Variants in CIP2A observed in about 807,000 individuals in gnomAD.
The protein encoded by CIP2A is cellular inhibitor of PP2A, also known as protein CIP2A.
A neutral mutation model predicts 110.9 loss-of-function variants in CIP2A; 103 were observed. The observed-to-expected ratio is 0.93, with a 90% CI of 0.79 to 1.09. CIP2A has a LOEUF of 1.09. Ranked by LOEUF, CIP2A falls within the 50% of genes least tolerant of loss-of-function variation. The pLI, the probability that CIP2A is intolerant of heterozygous loss-of-function variation, is 0.00. For missense variants in CIP2A, 1,088 were observed against 1,038.4 expected (o/e 1.05, Z -0.66); for synonymous variants, 381 against 361.6 (o/e 1.05, Z -0.61).
chr3:108,576,817 A>T (rs571651992), intron 7 of CIP2A, among the ~76,000 whole-genome samples: 28 of 152,320 alleles, frequency 1.8e-4, no homozygotes, highest in African/African-American at 6.7e-4. Context: ...CAACTCCAAG[A>T]GGTACTGTGG....
At chr3:108,575,571 T>C (rs1192563638) in intron 8 of CIP2A, among the ~76,000 whole-genome samples, 2 of 149,836 alleles carry the variant, frequency 1.3e-5, no homozygotes, top group African/African-American at 5.0e-5. Context: ...CGTGTATATA[T>C]ACTCATATAC....
chr3:108,553,519 G>C, intron 19 of CIP2A, 129 bp downstream of exon 19: 2 of 773,194 alleles, frequency 2.6e-6, no homozygotes, highest in Non-Finnish European at 3.9e-6. Flanking sequence ...TCAAGAAAAG[G>C]GAAGCCATTC....
chr3:108,568,244 T>G lies in CIP2A; in HGVS notation c.1184A>C (p.Asp395Ala). Residue 395 changes from aspartate to alanine, a missense_variant, in exon 10 of 21, where the codon GAT becomes GCT. Transcript: ENST00000295746. ...ATTTTGTTCTGTGAACTGAAGTTGA[T>G]CAAGGATTGTAGGCAGCAGAAGGGT... ...FVTLLLPTIL[D>A]QLQFTEQNLD... 1.9e-6 allele frequency: 3 copies of G among 1,612,378 alleles called. No individual in the cohort carries two copies. The highest frequency in any genetic ancestry group is 2.5e-6 in the Non-Finnish European group (3 of 1,178,844).
At chr3:108,589,024 G>A (rs561036540) in intron 1 of CIP2A, among the ~76,000 whole-genome samples, 1 of 152,114 alleles carries the variant, frequency 6.6e-6, no homozygotes, top group African/African-American at 2.4e-5. Flanking sequence ...TTACCTACTC[G>A]AAACAACCTG....
chr3:108,569,584 G>C lies in CIP2A; in HGVS notation c.918C>G (p.Phe306Leu), dbSNP rs1938314591. The change falls in exon 9 of 21, where the codon TTC (phenylalanine) becomes TTG (leucine). Residue 306 changes from phenylalanine to leucine, a missense_variant. Phe to Leu is a conservative substitution (Grantham distance 22). Transcript: ENST00000295746. ...SSKVLELLLA[F>L]CSVTQLRHML... ...TATGGCGCAGCTGAGTCACTGAACA[G>C]AAGGCAAGAAGTAATTCTAAAACCT... is the stretch of plus-strand genomic sequence containing the variant. The C allele has an allele frequency of 2.5e-6, 4 of 1,612,224 alleles. No homozygotes were observed. Among genetic ancestry groups the C allele is most frequent in the Admixed American group, 1.7e-5 (1 of 59,782 alleles).
At position 108,552,330 on chromosome 3, in the gene CIP2A, G is replaced by T; in HGVS notation, c.2451C>A (p.Thr817=). The T allele has an allele frequency of 6.5e-7, 1 of 1,545,312 alleles. No homozygotes were observed. Among genetic ancestry groups the T allele is most frequent in the Non-Finnish European group, 8.7e-7 (1 of 1,143,422 alleles). The change falls in exon 20 of 21, where the codon ACC becomes ACA. Residue 817 remains threonine (T), a synonymous_variant. Transcript: ENST00000295746. The part of the protein sequence containing the change: ...KTKVQEEKIK[T]LQKEREDKEE... ...CCTTATCTTCCCTTTCCTTTTGTAA[G>T]GTTTTAATCTTTTCTTCTTGTACTT...
At chr3:108,559,931 T>C (rs766040896) in intron 15 of CIP2A, 23 bp downstream of exon 15, 5 of 1,569,488 alleles carry the variant, frequency 3.2e-6, no homozygotes, top group Admixed American at 1.7e-5. Context: ...TATTACACAT[T>C]GTTAAAATAA....
intron 9 of CIP2A, among the ~76,000 whole-genome samples, chr3:108,569,168 C>G (rs1451430186): frequency 5.4e-4 from 6 of 11,090 alleles, no homozygotes; most frequent in East Asian, 8.2e-3. Flanking sequence ...GAAATGAGCA[C>G]TATATATATA....
intron 18 of CIP2A, among the ~76,000 whole-genome samples, 166 bp from the exon 19 acceptor site, chr3:108,553,896 T>TAAAAA (rs71103478): frequency 7.4e-4 from 62 of 84,174 alleles, no homozygotes; most frequent in South Asian, 1.9e-3. Flanking sequence ...ACTAAAAATA[T>TAAAAA]AAAAAAAAAA....
At chr3:108,586,008 T>C (rs1939030482) in intron 1 of CIP2A, among the ~76,000 whole-genome samples, 6 of 152,122 alleles carry the variant, frequency 3.9e-5, no homozygotes, top group Admixed American at 3.9e-4. Context: ...ACATACTTTA[T>C]GGATGTATTT....
At position 108,569,356 on chromosome 3, in the gene CIP2A, G is replaced by A. The variant is rs185143763; in HGVS notation, c.1113+33C>T. 6.0e-6 allele frequency: 9 copies of A among 1,495,730 alleles called. No individual in the cohort carries two copies. The Admixed American group carries it at 1.2e-4, about 20-fold the overall frequency. The allele number at this position is 1,495,730 out of a possible 1,614,324, so 92.7% of individuals were successfully genotyped here. On this transcript the variant is annotated intron_variant, in intron 9 of 20. Coordinates refer to ENST00000295746, the MANE Select transcript of CIP2A (RefSeq NM_020890.3). The stretch of plus-strand genomic sequence containing the variant: ...AAATTGTTAACTGAGAGTCACAAAA[G>A]TAGAAAAGTCAATCTGTCAGTCATC...
chr3:108,566,445 C>T (rs1355346908), intron 11 of CIP2A, 52 bp downstream of exon 11: 3 of 1,469,566 alleles, frequency 2.0e-6, no homozygotes, highest in African/African-American at 2.9e-5. Flanking sequence ...ATCACCACAT[C>T]TTTCGATTTT....
At position 108,568,190 on chromosome 3, in the gene CIP2A, C is replaced by T; in HGVS notation, c.1238G>A (p.Cys413Tyr). The T allele has an allele frequency of 1.2e-6, 2 of 1,612,164 alleles. No individual in the cohort carries two copies. Among genetic ancestry groups the T allele is most frequent in the East Asian group, 2.2e-5 (1 of 44,818 alleles). Residue 413 changes from cysteine to tyrosine, a missense_variant, in exon 10 of 21, where the codon TGT (cysteine) becomes TAT (tyrosine). Coordinates refer to ENST00000295746, the MANE Select transcript of CIP2A (RefSeq NM_020890.3). ...TTCAATGGCCTTGGCAATCCTTTCA[C>T]ATTTTTTTCTTGTTAAAGCCTCATC... is the stretch of plus-strand genomic sequence containing the variant. ...NLDEALTRKK[C>Y]ERIAKAIEVL...
At chr3:108,576,890 A>C (rs1000818860) in intron 7 of CIP2A, among the ~76,000 whole-genome samples, 1 of 152,188 alleles carries the variant, frequency 6.6e-6, no homozygotes, top group Non-Finnish European at 1.5e-5. Context: ...GTGCCCTGAC[A>C]GGGAGTTCAC....
Position 108,553,750 on chromosome 3 carries a change from TAGA to T in CIP2A, c.2325-23_2325-21del, listed in dbSNP as rs766844883. ...ATACTTCTGAAGTTATTAAAAAAAATAGAAGAAAACATTAATGAACCATATACC... is the reference window on the plus strand; with the variant it reads ...ATACTTCTGAAGTTATTAAAAAAAATAGAAAACATTAATGAACCATATACC... On this transcript the variant is annotated intron_variant, in intron 18 of 20. Transcript: ENST00000295746. 5 of 1,483,500 alleles carry T rather than the reference TAGA, an allele frequency of 3.4e-6. No homozygotes were observed. In the South Asian group the frequency reaches 5.9e-5, roughly 18 times the overall value. 91.9% of individuals were successfully genotyped at this position (1,483,500 alleles called of 1,614,324 possible).
chr3:108,567,531 AGTTG>A (rs1406768076), intron 10 of CIP2A, among the ~76,000 whole-genome samples: 2 of 151,790 alleles, frequency 1.3e-5, no homozygotes, highest in African/African-American at 4.8e-5. Flanking sequence ...ACTCAGAATT[AGTTG>A]GTCTATGAAA....
intron 8 of CIP2A, among the ~76,000 whole-genome samples, chr3:108,575,326 ACAC>A (rs1163415510): frequency 1.3e-5 from 2 of 150,384 alleles, no homozygotes; most frequent in Non-Finnish European, 3.0e-5. Flanking sequence ...GCATGTACAC[ACAC>A]GTGTATATAT....
At chr3:108,562,974 A>T in intron 13 of CIP2A, 152 bp downstream of exon 13, 1 of 643,014 alleles carries the variant, frequency 1.6e-6, no homozygotes, top group Non-Finnish European at 2.8e-6. Flanking sequence ...CATTTATAAG[A>T]ATCAAACATT....
chr3:108,578,224 C>T (rs1938748464), intron 7 of CIP2A, among the ~76,000 whole-genome samples: 1 of 152,150 alleles, frequency 6.6e-6, no homozygotes, highest in Non-Finnish European at 1.5e-5. Flanking sequence ...GTCTTCCAGA[C>T]GAGGTTTATT....
Sources: gnomAD v4.1 joint callset for allele counts (sites outside exome capture counted in the v4.1 genomes callset) on GRCh38, gnomAD v4.1.1 for gene constraint, MANE v1.5 for transcripts, NCBI Gene and HGNC (gene_info 2026-07-23, HGNC 2026-07-21) for gene names.